Variants in PLEKHA5 observed in about 807,000 individuals in gnomAD.
PLEKHA5 encodes pleckstrin homology domain-containing family A member 5.
PLEKHA5 carries 55 observed loss-of-function variants against 181.9 expected under a neutral mutation model. That is an observed-to-expected ratio of 0.30 (90% CI 0.24 to 0.38). The LOEUF (loss-of-function observed/expected upper bound fraction) is 0.38, where lower values mean the gene tolerates loss of function less well. PLEKHA5 is among the 10% of genes least tolerant of loss of function. The pLI, the probability that PLEKHA5 is intolerant of heterozygous loss-of-function variation, is 1.00. For missense variants in PLEKHA5, 1,432 were observed against 1,549.5 expected, an observed-to-expected ratio of 0.92 and a Z score of 1.27; for synonymous variants, 535 against 529.4, an observed-to-expected ratio of 1.01 and a Z score of -0.15.
intron 3 of PLEKHA5, among the ~76,000 whole-genome samples, chr12:19,190,268 A>G (rs2050790861): frequency 6.6e-6 from 1 of 152,244 alleles, no homozygotes; most frequent in South Asian, 2.1e-4. Flanking sequence ...TTCCTTATGG[A>G]TAATAATGCC....
intron 3 of PLEKHA5, among the ~76,000 whole-genome samples, chr12:19,181,720 G>T (rs1256179804): frequency 6.6e-6 from 1 of 152,170 alleles, no homozygotes; most frequent in Non-Finnish European, 1.5e-5. Flanking sequence ...AGGTTACAGT[G>T]AGCCGAGATC....
chr12:19,229,440 G>A (rs2060141311), intron 3 of PLEKHA5, among the ~76,000 whole-genome samples: 1 of 152,124 alleles, frequency 6.6e-6, no homozygotes. Flanking sequence ...CTGGCTTCAG[G>A]AGTGAAGCTG....
At chr12:19,341,283 A>G (rs1208759867) in intron 21 of PLEKHA5, among the ~76,000 whole-genome samples, 1 of 152,240 alleles carries the variant, frequency 6.6e-6, no homozygotes, top group Non-Finnish European at 1.5e-5. Context: ...CCTCAAAAAA[A>G]ATGAAAGGAA....
chr12:19,367,643 G>A (rs372550127), intron 30 of PLEKHA5, among the ~76,000 whole-genome samples: 3 of 151,520 alleles, frequency 2.0e-5, no homozygotes, highest in Non-Finnish European at 4.4e-5. Context: ...GCAGTGGCGC[G>A]ATCTCCACTC....
At chr12:19,257,251 C>T (rs746947423) in intron 5 of PLEKHA5, among the ~76,000 whole-genome samples, 182 bp from the exon 6 acceptor site, 4 of 151,944 alleles carry the variant, frequency 2.6e-5, no homozygotes, top group Admixed American at 6.6e-5. Flanking sequence ...ATTTTTGGTG[C>T]GGAATTCTTA....
At chr12:19,178,454 C>G (rs970157202) in intron 3 of PLEKHA5, among the ~76,000 whole-genome samples, 1 of 152,180 alleles carries the variant, frequency 6.6e-6, no homozygotes, top group African/African-American at 2.4e-5. Flanking sequence ...ATTGCAGCTA[C>G]ACGAAGTGGA....
At chr12:19,133,249 G>C (rs1401829287) in intron 3 of PLEKHA5, among the ~76,000 whole-genome samples, 1 of 151,928 alleles carries the variant, frequency 6.6e-6, no homozygotes, top group Non-Finnish European at 1.5e-5. Flanking sequence ...ACTAATTTAT[G>C]TTCAAACTTA....
At chr12:19,152,993 G>GT (rs937273637) in intron 3 of PLEKHA5, 3 of 31,976 alleles carry the variant, frequency 9.4e-5, no homozygotes, top group Non-Finnish European at 5.4e-4. Flanking sequence ...ATTAACACAG[G>GT]TTTTTTGTTT....
chr12:19,156,217 T>G (rs2041672034), intron 3 of PLEKHA5, among the ~76,000 whole-genome samples: 1 of 150,934 alleles, frequency 6.6e-6, no homozygotes, highest in South Asian at 2.1e-4. Flanking sequence ...TTTTTTTGTT[T>G]TTTTTTTTCT....
chr12:19,183,163 A>G (rs777052440), intron 3 of PLEKHA5, among the ~76,000 whole-genome samples: 4 of 152,252 alleles, frequency 2.6e-5, no homozygotes, highest in Admixed American at 6.5e-5. Flanking sequence ...TTAAAATTAT[A>G]TACAACTTAA....
chr12:19,328,575 G>C (rs961446706), intron 20 of PLEKHA5, among the ~76,000 whole-genome samples: 25 of 150,196 alleles, frequency 1.7e-4, no homozygotes, highest in Non-Finnish European at 3.4e-4. Context: ...GTGTGTGTGT[G>C]TGTGTGTGTG....
At chr12:19,232,078 C>G (rs2060714856) in intron 3 of PLEKHA5, among the ~76,000 whole-genome samples, 1 of 152,094 alleles carries the variant, frequency 6.6e-6, no homozygotes, top group Admixed American at 6.6e-5. Context: ...CAAATAATTG[C>G]TGCTTTTTAG....
rs1363822536 is a variant in PLEKHA5 at position 19,255,179 on chromosome 12, C to T, written c.432+14C>T. 6.4e-7 allele frequency: 1 copy of T among 1,550,526 alleles called. No homozygotes were observed. The highest frequency in any genetic ancestry group is 1.2e-5 in the South Asian group (1 of 81,658). The stretch of plus-strand genomic sequence containing the variant: ...CCTGTAGGCAGAGTAAGTTATTTTG[C>T]TTTATATTAATTATTGATAAGGAGT... On this transcript the variant is annotated intron_variant, in intron 5 of 31. Transcript: ENST00000429027.
At chr12:19,200,618 G>C in intron 3 of PLEKHA5, 9 of 1,126,486 alleles carry the variant, frequency 8.0e-6, no homozygotes, top group Non-Finnish European at 9.8e-6. Context: ...AACTTCATTA[G>C]CTTTTTCTTC....
At chr12:19,175,690 G>A (rs548867607) in intron 3 of PLEKHA5, among the ~76,000 whole-genome samples, 14 of 152,264 alleles carry the variant, frequency 9.2e-5, no homozygotes, top group African/African-American at 3.4e-4. Context: ...ACATGTGTTA[G>A]CTTTGTTAAG....
rs1179149725 is a variant in PLEKHA5 at position 19,295,268 on chromosome 12, T to G, written c.2037+3571T>G. ...TATTGGAGACACTTTTGGTTACAGTTTAAGTGAAACTTGCCAGCTTCATCC... is the reference window on the plus strand; with the variant it reads ...TATTGGAGACACTTTTGGTTACAGTGTAAGTGAAACTTGCCAGCTTCATCC... On this transcript the variant is annotated intron_variant, in intron 15 of 31. Transcript: ENST00000429027. Among the ~76,000 whole-genome samples the G allele has an allele frequency of 2.6e-5, 4 of 152,228 alleles. No homozygotes were observed. The East Asian group carries it at 7.7e-4, about 29-fold the overall frequency.
intron 26 of PLEKHA5, among the ~76,000 whole-genome samples, chr12:19,356,172 A>T (rs1372883570): frequency 6.6e-6 from 1 of 151,670 alleles, no homozygotes; most frequent in Non-Finnish European, 1.5e-5. Flanking sequence ...CTCAAAAAAA[A>T]ACAAAAAAAA....
chr12:19,182,051 GCAAA>G (rs939701648), intron 3 of PLEKHA5, among the ~76,000 whole-genome samples: 5 of 152,082 alleles, frequency 3.3e-5, no homozygotes, highest in East Asian at 3.9e-4. Context: ...ATTTTTAGCA[GCAAA>G]CAGTTATGTT....
At chr12:19,254,828 A>G (rs866415399) in intron 4 of PLEKHA5, among the ~76,000 whole-genome samples, 1 of 152,300 alleles carries the variant, frequency 6.6e-6, no homozygotes. Flanking sequence ...TGTCTTAAAA[A>G]CTAATAATAA....
Sources: gnomAD v4.1 joint callset for allele counts (sites outside exome capture counted in the v4.1 genomes callset) on GRCh38, gnomAD v4.1.1 for gene constraint, MANE v1.5 for transcripts, NCBI Gene and HGNC (gene_info 2026-07-23, HGNC 2026-07-21) for gene names.